SLC6A11: variants seen among roughly 807,000 people sequenced by gnomAD.
The protein encoded by SLC6A11 is solute carrier family 6 member 11, also known as sodium- and chloride-dependent GABA transporter 3.
Under a neutral mutation model 74.8 loss-of-function variants are expected in SLC6A11, and 25 were observed. The observed-to-expected ratio is 0.33, with a 90% CI of 0.24 to 0.47. SLC6A11 has a LOEUF of 0.47. Among genes scored for constraint, SLC6A11 ranks in the 20% least tolerant of loss-of-function variants. The pLI is 1.00. For synonymous variants in SLC6A11, 330 were observed against 330.2 expected, an observed-to-expected ratio of 1.00 and a Z score of 0.01; for missense variants, 574 against 837.0, an observed-to-expected ratio of 0.69 and a Z score of 3.88.
chr3:10,923,475 AC>A (rs1695562595), intron 8 of SLC6A11, among the ~76,000 whole-genome samples: 1 of 151,994 alleles, frequency 6.6e-6, no homozygotes, highest in Non-Finnish European at 1.5e-5. Context: ...TTGGATTTTA[AC>A]CCATAGAATA....
intron 6 of SLC6A11, among the ~76,000 whole-genome samples, chr3:10,880,352 G>GA (rs1694960572): frequency 6.6e-6 from 1 of 152,226 alleles, no homozygotes; most frequent in African/African-American, 2.4e-5. Flanking sequence ...GCACCACGAA[G>GA]AAAAGTTCCC....
chr3:10,885,193 T>C (rs1695028436), intron 6 of SLC6A11, among the ~76,000 whole-genome samples: 3 of 152,220 alleles, frequency 2.0e-5, no homozygotes, highest in Admixed American at 2.0e-4. Context: ...ATTTATATTA[T>C]ATATTTATAG....
At chr3:10,893,997 C>G (rs1430307259) in intron 6 of SLC6A11, among the ~76,000 whole-genome samples, 2 of 152,140 alleles carry the variant, frequency 1.3e-5, no homozygotes, top group Non-Finnish European at 2.9e-5. Flanking sequence ...GAAGACAGCC[C>G]CTCCCTCACA....
chr3:10,854,400 T>C (rs1487053733), intron 5 of SLC6A11, among the ~76,000 whole-genome samples: 2 of 151,944 alleles, frequency 1.3e-5, no homozygotes, highest in African/African-American at 4.8e-5. Context: ...AAAAAATAAA[T>C]AAATAAATAA....
rs753581486 is a variant in SLC6A11 at position 10,929,291 on chromosome 3, A to G, written c.1323A>G (p.Leu441=). ...RRGYRRELLI[L]ALSVISYFLG... is the part of the protein sequence containing the mutation. ...GTTACCGGCGGGAGCTGCTCATCCT[A>G]GCCTTGTCTGTTATCTCCTATTTTC... is the stretch of plus-strand genomic sequence containing the variant. The change falls in exon 10 of 14, where the codon CTA becomes CTG. Residue 441 remains leucine, a synonymous_variant. Transcript: ENST00000254488. The G allele has an allele frequency of 9.3e-6, 15 of 1,613,894 alleles. No homozygotes were observed. The highest frequency in any genetic ancestry group is 1.3e-5 in the African/African-American group (1 of 74,862).
At position 10,909,109 on chromosome 3, in the gene SLC6A11, C is replaced by CAAAAAA. The variant is rs34230224; in HGVS notation, c.892-2967_892-2962dup. ...GCAGTTACAAGCTTAACATCCCCAG[C>CAAAAAA]AAAAAAAAAAAAAAAAAAAGTGTCC... On this transcript the variant is annotated intron_variant, in intron 6 of 13. Coordinates refer to ENST00000254488, the MANE Select transcript of SLC6A11 (RefSeq NM_014229.3). Among the ~76,000 whole-genome samples, 6 of 104,022 alleles carry CAAAAAA rather than the reference C, an allele frequency of 5.8e-5. 1 individual carries two copies. The highest frequency in any genetic ancestry group is 2.6e-4 in the East Asian group (1 of 3,824). The allele number at this position is 104,022 out of a possible 152,430, so 68.2% of individuals were successfully genotyped here. A position where few individuals can be genotyped will look rare whatever the true frequency, so the allele number is the denominator to read the frequency against.
At chr3:10,883,024 G>A (rs1460171053) in intron 6 of SLC6A11, among the ~76,000 whole-genome samples, 3 of 151,922 alleles carry the variant, frequency 2.0e-5, no homozygotes, top group African/African-American at 4.8e-5. Context: ...TGGGCAGGAC[G>A]AGTCAGGGCC....
chr3:10,895,022 A>T (rs1390240130), intron 6 of SLC6A11, among the ~76,000 whole-genome samples: 1 of 152,184 alleles, frequency 6.6e-6, no homozygotes, highest in Non-Finnish European at 1.5e-5. Flanking sequence ...CAGCTGAGTG[A>T]TCCCCCAGGG....
chr3:10,926,342 G>A lies in SLC6A11; in HGVS notation c.1233+226G>A, dbSNP rs149020093. ...ACACTTACCCACAAATGTCTGTTCC[G>A]GCCCCTCTAAGCCTTCCCAAACACT... On this transcript the variant is annotated intron_variant, in intron 9 of 13. Transcript: ENST00000254488. The surrounding 1 kb of genome is among the most constrained non-coding windows in gnomAD (Gnocchi z 5.7). Among the ~76,000 whole-genome samples, 64 of 151,834 alleles carry A rather than the reference G, an allele frequency of 4.2e-4. No homozygotes were observed. In the East Asian group the frequency reaches 0.011, roughly 26 times the overall value.
At chr3:10,901,236 T>C (rs573893915) in intron 6 of SLC6A11, among the ~76,000 whole-genome samples, 1 of 152,288 alleles carries the variant, frequency 6.6e-6, no homozygotes, top group Admixed American at 6.5e-5. Flanking sequence ...AAAATGGGGC[T>C]CAAGCAACTG....
At chr3:10,836,152 A>AT (rs1347634875) in intron 4 of SLC6A11, among the ~76,000 whole-genome samples, 1 of 152,232 alleles carries the variant, frequency 6.6e-6, no homozygotes, top group African/African-American at 2.4e-5. Flanking sequence ...TTCATGTAGC[A>AT]TAACACTTTT....
Position 10,849,274 on chromosome 3 carries a change from A to G in SLC6A11, c.756+4928A>G, listed in dbSNP as rs143282385. ...CAGACAGTATCTTCTGGATGATACA[A>G]AGTTTCACTTTGGATAATTGGAATG... On this transcript the variant is annotated intron_variant, in intron 5 of 13. Transcript: ENST00000254488. Among the ~76,000 whole-genome samples, 16 of 152,320 alleles carry G rather than the reference A, an allele frequency of 1.1e-4. No individual in the cohort carries two copies. In the East Asian group the frequency reaches 3.1e-3, roughly 29 times the overall value.
chr3:10,846,222 C>G (rs1227807762), intron 5 of SLC6A11, among the ~76,000 whole-genome samples: 1 of 152,184 alleles, frequency 6.6e-6, no homozygotes, highest in Non-Finnish European at 1.5e-5. Flanking sequence ...ATATACTTAG[C>G]ATTATTCAAT....
At chr3:10,880,930 G>A (rs948354316) in intron 6 of SLC6A11, among the ~76,000 whole-genome samples, 36 of 152,300 alleles carry the variant, frequency 2.4e-4, no homozygotes, top group African/African-American at 8.4e-4. Context: ...GCAGTCTGAT[G>A]GGAAAGGGTG....
chr3:10,887,627 G>T (rs1320629387), intron 6 of SLC6A11, among the ~76,000 whole-genome samples: 1 of 152,032 alleles, frequency 6.6e-6, no homozygotes, highest in Non-Finnish European at 1.5e-5. Context: ...TGTATTTTTA[G>T]TACAGACAGG....
chr3:10,936,419 C>G (rs1420838296), intron 13 of SLC6A11, among the ~76,000 whole-genome samples: 2 of 152,318 alleles, frequency 1.3e-5, no homozygotes, highest in East Asian at 3.9e-4. Context: ...GGCCACACCC[C>G]AGGGACTGCA....
At chr3:10,916,577 T>C (rs907654790) in intron 7 of SLC6A11, among the ~76,000 whole-genome samples, 1 of 152,084 alleles carries the variant, frequency 6.6e-6, no homozygotes, top group Non-Finnish European at 1.5e-5. Context: ...TCATAGAAAA[T>C]CACAGAAATG....
At chr3:10,836,686 A>G (rs1216558477) in intron 4 of SLC6A11, among the ~76,000 whole-genome samples, 1 of 152,244 alleles carries the variant, frequency 6.6e-6, no homozygotes, top group Non-Finnish European at 1.5e-5. Context: ...TTCGTATTCT[A>G]CTAAGCATTG....
intron 5 of SLC6A11, among the ~76,000 whole-genome samples, chr3:10,851,803 G>A (rs531740186): frequency 6.6e-6 from 1 of 152,370 alleles, no homozygotes; most frequent in South Asian, 2.1e-4. Flanking sequence ...TGGGCAGGGG[G>A]CAGTTTTTGC....
Sources: gnomAD v4.1 joint callset for allele counts (sites outside exome capture counted in the v4.1 genomes callset) on GRCh38, gnomAD v4.1.1 for gene constraint, Gnocchi (gnomAD v3.1) non-coding constraint, MANE v1.5 for transcripts, NCBI Gene and HGNC (gene_info 2026-07-23, HGNC 2026-07-21) for gene names.